Variants in GPC6 observed in about 807,000 individuals in gnomAD.
The protein encoded by GPC6 is glypican-6.
Under a neutral mutation model 55.2 loss-of-function variants are expected in GPC6, and 14 were observed. The observed-to-expected ratio is 0.25, with a 90% CI of 0.17 to 0.40. GPC6 has a LOEUF of 0.40. Among genes scored for constraint, GPC6 ranks in the 10% least tolerant of loss-of-function variants. GPC6 has a pLI of 1.00. For missense variants in GPC6, 641 were observed against 708.5 expected (o/e 0.90, Z 1.08); for synonymous variants, 278 against 259.6 (o/e 1.07, Z -0.68).
intron 2 of GPC6, among the ~76,000 whole-genome samples, chr13:93,706,115 C>A (rs1882841849): frequency 6.6e-6 from 1 of 151,770 alleles, no homozygotes; most frequent in Non-Finnish European, 1.5e-5. Flanking sequence ...CACATGGATT[C>A]TTTCTCAATT....
intron 4 of GPC6, among the ~76,000 whole-genome samples, chr13:94,057,207 A>C (rs1884161028): frequency 2.0e-5 from 3 of 152,222 alleles, no homozygotes; most frequent in African/African-American, 7.2e-5. Context: ...AATAGAGAAG[A>C]ATTGGAAGAA....
chr13:93,335,145 G>GT (rs1348769377), intron 1 of GPC6, among the ~76,000 whole-genome samples: 1 of 152,098 alleles, frequency 6.6e-6, no homozygotes, highest in African/African-American at 2.4e-5. Flanking sequence ...TAGAAGGCAG[G>GT]TGTCTCTAGG....
At chr13:93,376,237 A>G (rs1874892983) in intron 1 of GPC6, among the ~76,000 whole-genome samples, 1 of 152,106 alleles carries the variant, frequency 6.6e-6, no homozygotes, top group Non-Finnish European at 1.5e-5. Flanking sequence ...GAGCCCCAGA[A>G]TTAGGAAAAG....
intron 3 of GPC6, among the ~76,000 whole-genome samples, chr13:93,982,212 T>C (rs1880836496): frequency 6.6e-6 from 1 of 152,198 alleles, no homozygotes; most frequent in Non-Finnish European, 1.5e-5. Context: ...AAATATGAAA[T>C]ATACATTTTG....
chr13:94,168,912 C>T (rs75379580), intron 4 of GPC6, among the ~76,000 whole-genome samples: 2,713 of 152,018 alleles, frequency 0.018, 90 homozygotes, highest in African/African-American at 0.062. Flanking sequence ...TATGTGTCTC[C>T]ATATGGTAAA....
At chr13:93,847,089 G>A (rs1439806299) in intron 3 of GPC6, among the ~76,000 whole-genome samples, 1 of 152,062 alleles carries the variant, frequency 6.6e-6, no homozygotes, top group Non-Finnish European at 1.5e-5. Context: ...TCTAACATAA[G>A]TAACATAGAC....
At chr13:93,714,936 CA>C (rs1482317235) in intron 2 of GPC6, among the ~76,000 whole-genome samples, 1 of 151,486 alleles carries the variant, frequency 6.6e-6, no homozygotes, top group Non-Finnish European at 1.5e-5. Flanking sequence ...CCATGGTAAA[CA>C]AAAACTGTCA....
intron 1 of GPC6, among the ~76,000 whole-genome samples, chr13:93,268,641 G>T (rs535805453): frequency 6.6e-5 from 10 of 152,208 alleles, no homozygotes; most frequent in African/African-American, 2.4e-4. Flanking sequence ...TTATGTTAGT[G>T]CTGTTTGCTG....
intron 1 of GPC6, among the ~76,000 whole-genome samples, chr13:93,401,837 C>T (rs2813608): frequency 3.3e-5 from 5 of 151,510 alleles, no homozygotes; most frequent in African/African-American, 1.2e-4. Flanking sequence ...TCCATTAACA[C>T]GGAGCACTAG....
At chr13:94,100,694 G>A (rs1885824287) in intron 4 of GPC6, among the ~76,000 whole-genome samples, 1 of 152,152 alleles carries the variant, frequency 6.6e-6, no homozygotes, top group Admixed American at 6.5e-5. Flanking sequence ...TAAAATCTAT[G>A]TTTCCATCTA....
intron 3 of GPC6, among the ~76,000 whole-genome samples, chr13:93,904,567 G>A (rs187168649): frequency 2.6e-5 from 4 of 151,976 alleles, no homozygotes; most frequent in Admixed American, 1.3e-4. Context: ...AGAAAAACCC[G>A]TCTCTAGAAA....
chr13:94,034,332 C>T (rs1222793024), intron 4 of GPC6, among the ~76,000 whole-genome samples: 6 of 152,112 alleles, frequency 3.9e-5, no homozygotes, highest in East Asian at 1.9e-4. Flanking sequence ...GTTTAGAAAA[C>T]GGTTTACTCT....
intron 4 of GPC6, among the ~76,000 whole-genome samples, chr13:94,063,001 G>A (rs1020449382): frequency 6.6e-5 from 10 of 152,178 alleles, no homozygotes; most frequent in African/African-American, 2.4e-4. Flanking sequence ...GCTAGGCACG[G>A]GGTCAGGTGT....
intron 1 of GPC6, among the ~76,000 whole-genome samples, chr13:93,449,544 G>A (rs1427517390): frequency 6.6e-6 from 1 of 152,188 alleles, no homozygotes; most frequent in Non-Finnish European, 1.5e-5. Context: ...AAAAGGGACT[G>A]TAGGCCGGGC....
intron 2 of GPC6, among the ~76,000 whole-genome samples, chr13:93,808,158 C>T (rs1886593498): frequency 6.6e-6 from 1 of 152,100 alleles, no homozygotes; most frequent in South Asian, 2.1e-4. Flanking sequence ...TCAGCAAAGA[C>T]TAGATTAATT....
intron 1 of GPC6, among the ~76,000 whole-genome samples, chr13:93,502,359 AT>A (rs1469103347): frequency 6.6e-6 from 1 of 152,160 alleles, no homozygotes; most frequent in Non-Finnish European, 1.5e-5. Context: ...TACTTTGTAA[AT>A]AACAATATTT....
Position 94,137,781 on chromosome 13 carries a change from G to A in GPC6, c.877+109887G>A, listed in dbSNP as rs537518299. 2.6e-5 allele frequency among the ~76,000 whole-genome samples: 4 copies of A among 152,244 alleles called. No individual in the cohort carries two copies. In the South Asian group the frequency reaches 8.3e-4, roughly 32 times the overall value. On this transcript the variant is annotated intron_variant, in intron 4 of 8. Transcript: ENST00000377047. Reference sequence around the variant, plus strand: ...CAAGGCAAAATGACCTATTATTCAGGTGCAGTGTTTTAACCTAAAACAGTA... The same window carrying A: ...CAAGGCAAAATGACCTATTATTCAGATGCAGTGTTTTAACCTAAAACAGTA...
At chr13:93,395,011 G>A (rs1875790086) in intron 1 of GPC6, 2 of 234,844 alleles carry the variant, frequency 8.5e-6, no homozygotes, top group Non-Finnish European at 1.7e-5. Context: ...CAGGGGCACA[G>A]CTTATCCCTC....
At chr13:93,695,908 C>T (rs562445797) in intron 2 of GPC6, among the ~76,000 whole-genome samples, 2 of 152,034 alleles carry the variant, frequency 1.3e-5, no homozygotes, top group African/African-American at 4.8e-5. Context: ...CAGGAATAAA[C>T]AAAGATGATA....
Sources: gnomAD v4.1 joint callset for allele counts (sites outside exome capture counted in the v4.1 genomes callset) on GRCh38, gnomAD v4.1.1 for gene constraint, MANE v1.5 for transcripts, NCBI Gene and HGNC (gene_info 2026-07-23, HGNC 2026-07-21) for gene names.